Variants in RUNX1 observed in about 807,000 individuals in gnomAD.
The protein encoded by RUNX1 is runt-related transcription factor 1.
RUNX1 carries 19 observed loss-of-function variants against 42.8 expected under a neutral mutation model. That is an observed-to-expected ratio of 0.44 (90% CI 0.31 to 0.65). The LOEUF (loss-of-function observed/expected upper bound fraction) is 0.65. Among genes scored for constraint, RUNX1 ranks in the 30% least tolerant of loss-of-function variants. The probability of loss-of-function intolerance (pLI) is 0.07; values close to 1 mark genes in which losing one functional copy is unlikely to be tolerated. For synonymous variants in RUNX1, 271 were observed against 289.4 expected, an observed-to-expected ratio of 0.94 and a Z score of 0.64; for missense variants, 528 against 672.0, an observed-to-expected ratio of 0.79 and a Z score of 2.37.
At chr21:35,036,710 C>T (rs553774134) in intron 2 of RUNX1, among the ~76,000 whole-genome samples, 1 of 152,332 alleles carries the variant, frequency 6.6e-6, no homozygotes, top group South Asian at 2.1e-4. Flanking sequence ...TAGGCGTGTG[C>T]ATCTCAACTC....
chr21:34,915,927 T>C (rs898695628), intron 2 of RUNX1, among the ~76,000 whole-genome samples: 2 of 152,172 alleles, frequency 1.3e-5, no homozygotes, highest in East Asian at 1.9e-4. Flanking sequence ...CCCAGAGATA[T>C]AGGTTGTCTT....
intron 2 of RUNX1, among the ~76,000 whole-genome samples, chr21:34,946,292 T>C (rs2058562603): frequency 6.6e-6 from 1 of 152,218 alleles, no homozygotes; most frequent in African/African-American, 2.4e-5. Flanking sequence ...ATTAATGTTT[T>C]TAACCTTTTC....
At chr21:35,020,766 C>T (rs142154048) in intron 2 of RUNX1, among the ~76,000 whole-genome samples, 11 of 152,316 alleles carry the variant, frequency 7.2e-5, no homozygotes, top group African/African-American at 1.2e-4. Flanking sequence ...AGAAAACCCC[C>T]AAATAACTAA....
intron 2 of RUNX1, among the ~76,000 whole-genome samples, chr21:35,008,074 C>T (rs1332499695): frequency 6.6e-6 from 1 of 152,186 alleles, no homozygotes; most frequent in African/African-American, 2.4e-5. Flanking sequence ...GTGTCTGATC[C>T]ATGGTGCTCC....
intron 2 of RUNX1, among the ~76,000 whole-genome samples, chr21:35,026,921 C>A (rs2059241533): frequency 6.6e-6 from 1 of 152,232 alleles, no homozygotes; most frequent in South Asian, 2.1e-4. Flanking sequence ...CTGTGGTTTT[C>A]TCGCTCTCGC....
chr21:35,022,018 T>C (rs2059201721), intron 2 of RUNX1, among the ~76,000 whole-genome samples: 1 of 152,162 alleles, frequency 6.6e-6, no homozygotes, highest in Admixed American at 6.5e-5. Context: ...CCAAGACACA[T>C]ATCAATGTGA....
intron 7 of RUNX1, chr21:34,821,619 G>C (rs371518991): frequency 6.4e-7 from 1 of 1,555,510 alleles, no homozygotes; most frequent in South Asian, 1.2e-5. Context: ...GGAAAAGATA[G>C]CTCTATCCTG....
At chr21:34,952,985 C>T (rs550619073) in intron 2 of RUNX1, among the ~76,000 whole-genome samples, 1 of 152,310 alleles carries the variant, frequency 6.6e-6, no homozygotes, top group East Asian at 1.9e-4. Context: ...CCTGCCATCA[C>T]CCAGCTGCCC....
At chr21:34,899,729 C>A (rs1252908067) in intron 2 of RUNX1, among the ~76,000 whole-genome samples, 2 of 152,206 alleles carry the variant, frequency 1.3e-5, no homozygotes, top group Non-Finnish European at 2.9e-5. Flanking sequence ...ATCAGCTCAC[C>A]CATTCTCAGC....
At chr21:34,808,063 C>T (rs988488278) in intron 7 of RUNX1, among the ~76,000 whole-genome samples, 2 of 152,218 alleles carry the variant, frequency 1.3e-5, no homozygotes, top group Non-Finnish European at 2.9e-5. Flanking sequence ...ACCGGCTCAG[C>T]ACACTGTTGC....
intron 2 of RUNX1, among the ~76,000 whole-genome samples, chr21:34,966,867 G>A (rs2058722465): frequency 6.6e-6 from 1 of 152,126 alleles, no homozygotes; most frequent in East Asian, 1.9e-4. Context: ...GAGAACTGCA[G>A]TGGCTGTAAA....
intron 2 of RUNX1, among the ~76,000 whole-genome samples, chr21:35,008,308 G>T (rs555455593): frequency 1.8e-4 from 28 of 152,304 alleles, no homozygotes; most frequent in Admixed American, 1.6e-3. Context: ...TTCTCATCTA[G>T]AGGAGGACTT....
At chr21:35,015,499 T>C (rs939610718) in intron 2 of RUNX1, among the ~76,000 whole-genome samples, 1 of 152,090 alleles carries the variant, frequency 6.6e-6, no homozygotes, top group African/African-American at 2.4e-5. Context: ...TAAAAGAAAC[T>C]CGTCCTACTC....
rs559797191 is a variant in RUNX1 at position 34,989,955 on chromosome 21, C to T, written c.58+58887G>A. ...AACCTCACTCCTCATGGGTTGGGGACGGGAGCATGCTCACAGGGTGGAAGG... is the reference window on the plus strand; with the variant it reads ...AACCTCACTCCTCATGGGTTGGGGATGGGAGCATGCTCACAGGGTGGAAGG... On this transcript the variant is annotated intron_variant, in intron 2 of 8. Transcript: ENST00000675419. 8.2e-4 allele frequency among the ~76,000 whole-genome samples: 125 copies of T among 152,208 alleles called. No individual in the cohort carries two copies. The Middle Eastern group carries it at 0.01, about 12-fold the overall frequency.
At chr21:34,923,369 A>G (rs1047357876) in intron 2 of RUNX1, among the ~76,000 whole-genome samples, 1 of 152,166 alleles carries the variant, frequency 6.6e-6, no homozygotes, top group Non-Finnish European at 1.5e-5. Context: ...TCAGAATTGG[A>G]TTTGTGAAGA....
At chr21:34,840,169 C>T (rs1466316584) in intron 6 of RUNX1, among the ~76,000 whole-genome samples, 1 of 152,160 alleles carries the variant, frequency 6.6e-6, no homozygotes, top group African/African-American at 2.4e-5. Flanking sequence ...TCTGCTGTGC[C>T]ATCTATAGAA....
chr21:34,954,277 G>A (rs1569122633), intron 2 of RUNX1, among the ~76,000 whole-genome samples: 2 of 152,176 alleles, frequency 1.3e-5, no homozygotes, highest in Non-Finnish European at 2.9e-5. Flanking sequence ...TTAAAAAGCT[G>A]TCTTTGACTG....
chr21:35,008,548 A>G (rs1379219909), intron 2 of RUNX1, among the ~76,000 whole-genome samples: 1 of 152,262 alleles, frequency 6.6e-6, no homozygotes, highest in African/African-American at 2.4e-5. Flanking sequence ...CCACAGTAGC[A>G]TTTAAAGAGA....
At chr21:34,869,589 A>G (rs2057709595) in intron 5 of RUNX1, among the ~76,000 whole-genome samples, 1 of 152,230 alleles carries the variant, frequency 6.6e-6, no homozygotes, top group Non-Finnish European at 1.5e-5. Context: ...TGACAGCCAG[A>G]TGAACCAGTG....
Sources: allele counts gnomAD v4.1 joint callset (sites outside exome capture counted in the v4.1 genomes callset), GRCh38; gene constraint gnomAD v4.1.1; transcripts MANE v1.5; gene names NCBI Gene and HGNC (gene_info 2026-07-23, HGNC 2026-07-21).